CSMD1: variants seen among roughly 807,000 people sequenced by gnomAD.
The protein encoded by CSMD1 is CUB and Sushi multiple domains 1, also known as CUB and sushi domain-containing protein 1.
A neutral mutation model predicts 417.5 loss-of-function variants in CSMD1; 213 were observed. The ratio of observed to expected loss-of-function variants is 0.51; its 90% confidence interval spans 0.46 to 0.57. The LOEUF (loss-of-function observed/expected upper bound fraction) is 0.57, where lower values mean the gene tolerates loss of function less well. Ranked by LOEUF, CSMD1 falls within the 20% of genes least tolerant of loss-of-function variation. The probability of loss-of-function intolerance (pLI) is 0.00; values close to 1 mark genes in which losing one functional copy is unlikely to be tolerated. For synonymous variants in CSMD1, 2,862 were observed against 1,736.8 expected, an observed-to-expected ratio of 1.65 and a Z score of -16.11; for missense variants, 6,923 against 4,529.7, an observed-to-expected ratio of 1.53 and a Z score of -15.17.
chr8:3,441,443 CTT>C (rs2117062875), intron 12 of CSMD1, among the ~76,000 whole-genome samples: 1 of 151,440 alleles, frequency 6.6e-6, no homozygotes, highest in South Asian at 2.1e-4. Context: ...ATTGAACAGT[CTT>C]TCATTCCTAC....
At chr8:3,011,023 G>A (rs1275560686) in intron 52 of CSMD1, among the ~76,000 whole-genome samples, 1 of 152,052 alleles carries the variant, frequency 6.6e-6, no homozygotes, top group African/African-American at 2.4e-5. Context: ...ACCGCGCCCT[G>A]CCTATTCTCA....
chr8:3,382,451 AAT>A (rs896710670), intron 18 of CSMD1, among the ~76,000 whole-genome samples: 3 of 141,960 alleles, frequency 2.1e-5, no homozygotes, highest in Admixed American at 7.4e-5. Flanking sequence ...TATATAATAT[AAT>A]ATATATAATA....
intron 5 of CSMD1, among the ~76,000 whole-genome samples, chr8:3,888,844 C>G (rs930406317): frequency 6.6e-6 from 1 of 152,124 alleles, no homozygotes; most frequent in African/African-American, 2.4e-5. Context: ...ATGATGCCCT[C>G]TGTCTATAAA....
chr8:4,209,489 A>T (rs1456434857), intron 3 of CSMD1, among the ~76,000 whole-genome samples: 1 of 152,124 alleles, frequency 6.6e-6, no homozygotes, highest in African/African-American at 2.4e-5. Context: ...CACTTCCCTT[A>T]ACCTCACTCC....
chr8:4,144,430 T>A (rs1326623507), intron 3 of CSMD1, among the ~76,000 whole-genome samples: 1 of 151,210 alleles, frequency 6.6e-6, no homozygotes, highest in Admixed American at 6.6e-5. Flanking sequence ...AAGTGAAGAA[T>A]CACATTTCTC....
intron 26 of CSMD1, among the ~76,000 whole-genome samples, chr8:3,248,523 CTT>C (rs10663439): frequency 1.2e-3 from 101 of 85,962 alleles, no homozygotes; most frequent in African/African-American, 3.6e-3. Flanking sequence ...AATTCCCTCC[CTT>C]TTTTTTTTTT....
chr8:3,938,030 A>G (rs184068501), intron 5 of CSMD1, among the ~76,000 whole-genome samples: 217 of 152,320 alleles, frequency 1.4e-3, no homozygotes, highest in African/African-American at 5.0e-3. Context: ...AACATAAAAT[A>G]AAAATGCTTT....
intron 25 of CSMD1, among the ~76,000 whole-genome samples, chr8:3,294,552 C>T (rs1459685659): frequency 3.5e-5 from 4 of 115,616 alleles, no homozygotes; most frequent in African/African-American, 1.0e-4. Context: ...TCGCTGCAGC[C>T]TTGCAGTTTG....
chr8:2,990,127 T>C (rs146408566), intron 54 of CSMD1, among the ~76,000 whole-genome samples: 1 of 152,200 alleles, frequency 6.6e-6, no homozygotes, highest in African/African-American at 2.4e-5. Flanking sequence ...CCTTCAGTCA[T>C]GCAATTTATT....
chr8:3,549,726 C>T (rs1042422145), intron 10 of CSMD1, among the ~76,000 whole-genome samples: 8 of 152,118 alleles, frequency 5.3e-5, no homozygotes, highest in African/African-American at 1.9e-4. Context: ...CAGAAAGTTC[C>T]CACCAGCAAG....
intron 1 of CSMD1, among the ~76,000 whole-genome samples, chr8:4,913,924 G>A (rs1207149706): frequency 6.6e-6 from 1 of 152,098 alleles, no homozygotes; most frequent in Non-Finnish European, 1.5e-5. Flanking sequence ...GATTACCAAA[G>A]GAATGTATAC....
intron 2 of CSMD1, among the ~76,000 whole-genome samples, chr8:4,565,512 C>T (rs747045777): frequency 1.6e-4 from 24 of 151,668 alleles, no homozygotes; most frequent in Admixed American, 1.1e-3. Flanking sequence ...TCAAGGTGGG[C>T]GATCACAAGG....
At chr8:3,524,079 G>C (rs1460854161) in intron 10 of CSMD1, among the ~76,000 whole-genome samples, 1 of 128,920 alleles carries the variant, frequency 7.8e-6, no homozygotes, top group Non-Finnish European at 1.6e-5. Flanking sequence ...ACTTACACAT[G>C]CACACACGCA....
At chr8:4,822,517 A>T (rs1386217631) in intron 1 of CSMD1, among the ~76,000 whole-genome samples, 2 of 152,132 alleles carry the variant, frequency 1.3e-5, no homozygotes, top group Non-Finnish European at 2.9e-5. Flanking sequence ...GGGCCACAGG[A>T]TAACTAGGCA....
chr8:3,384,341 T>G (rs910323021), intron 18 of CSMD1, among the ~76,000 whole-genome samples: 8 of 152,072 alleles, frequency 5.3e-5, no homozygotes, highest in Non-Finnish European at 1.2e-4. Flanking sequence ...GGCATCCAAT[T>G]TGAGCAACAC....
rs1044651611 is a variant in CSMD1 at position 3,831,572 on chromosome 8, G to A, written c.819-77530C>T. ...TTCATATGCCTCTGTGCTCACTACAGCAATGGAATATCCCAAATGTCCTCT... is the reference window on the plus strand; with the variant it reads ...TTCATATGCCTCTGTGCTCACTACAACAATGGAATATCCCAAATGTCCTCT... On this transcript the variant is annotated intron_variant, in intron 5 of 69. Transcript: ENST00000635120. 3.3e-5 allele frequency among the ~76,000 whole-genome samples: 5 copies of A among 152,266 alleles called. No individual in the cohort carries two copies. The East Asian group carries it at 5.8e-4, about 18-fold the overall frequency.
chr8:4,015,661 T>TAAAAAAAA (rs11371186), intron 4 of CSMD1, among the ~76,000 whole-genome samples: 8 of 97,464 alleles, frequency 8.2e-5, no homozygotes, highest in Non-Finnish European at 1.4e-4. Context: ...GTTTGAATCT[T>TAAAAAAAA]AAAAAAAAAA....
intron 1 of CSMD1, among the ~76,000 whole-genome samples, chr8:4,689,530 A>T (rs989665357): frequency 6.6e-6 from 1 of 152,222 alleles, no homozygotes; most frequent in African/African-American, 2.4e-5. Flanking sequence ...GTTTTAAAGT[A>T]TCATAAGGAT....
At chr8:4,261,640 G>A (rs971309205) in intron 3 of CSMD1, among the ~76,000 whole-genome samples, 2 of 151,852 alleles carry the variant, frequency 1.3e-5, no homozygotes, top group Admixed American at 1.3e-4. Flanking sequence ...GAACTCCTAG[G>A]CTCAGGCAAT....
Sources: gnomAD v4.1 joint callset for allele counts (sites outside exome capture counted in the v4.1 genomes callset) on GRCh38, gnomAD v4.1.1 for gene constraint, MANE v1.5 for transcripts, NCBI Gene and HGNC (gene_info 2026-07-23, HGNC 2026-07-21) for gene names.